Variants in HEATR4 observed in about 807,000 individuals in gnomAD.
HEATR4 encodes the protein HEAT repeat containing 4.
Under a neutral mutation model 108.8 loss-of-function variants are expected in HEATR4, and 95 were observed. That is an observed-to-expected ratio of 0.87 (90% confidence interval 0.74 to 1.04). The LOEUF (loss-of-function observed/expected upper bound fraction) is 1.04. Ranked by LOEUF, HEATR4 falls within the 50% of genes least tolerant of loss-of-function variation. The pLI is 0.00. For synonymous variants in HEATR4, 443 were observed against 459.4 expected, an observed-to-expected ratio of 0.96 and a Z score of 0.46; for missense variants, 1,152 against 1,253.8, an observed-to-expected ratio of 0.92 and a Z score of 1.23.
chr14:73,491,888 C>G, intron 17 of HEATR4: 1 of 1,611,820 alleles, frequency 6.2e-7, no homozygotes, highest in Non-Finnish European at 8.5e-7. Context: ...GTCCCTGTAC[C>G]AGGCCGGCTG....
the HEATR4 span, among the ~76,000 whole-genome samples, chr14:73,622,765 T>C: frequency 6.6e-6 from 1 of 152,032 alleles, no homozygotes; most frequent in Non-Finnish European, 1.5e-5. Context: ...TAAAGCAATA[T>C]GAAGCAGAAG....
chr14:73,613,676 T>A, the HEATR4 span, among the ~76,000 whole-genome samples: 1 of 152,182 alleles, frequency 6.6e-6, no homozygotes, highest in African/African-American at 2.4e-5. Flanking sequence ...GAGGTGCTAT[T>A]GGCATCTAGC....
At chr14:73,520,207 G>C (rs907335053) in intron 4 of HEATR4, 1 of 152,220 alleles carries the variant, frequency 6.6e-6, no homozygotes. Flanking sequence ...CGAAGACCTA[G>C]ATTGAGTATC....
intron 16 of HEATR4, 126 bp downstream of exon 16, chr14:73,495,102 G>A: frequency 1.4e-6 from 1 of 703,458 alleles, no homozygotes; most frequent in East Asian, 2.7e-5. Context: ...TAGCCAAGAG[G>A]GAAGAGAGTA....
chr14:73,631,932 C>A, the HEATR4 span: 1 of 158,824 alleles, frequency 6.3e-6, no homozygotes, highest in East Asian at 1.6e-4. Context: ...TCTACCAGCC[C>A]GTGGGACCAA....
At chr14:73,625,210 C>T in the HEATR4 span, among the ~76,000 whole-genome samples, 1 of 151,798 alleles carries the variant, frequency 6.6e-6, no homozygotes, top group Non-Finnish European at 1.5e-5. Context: ...CAGGTGTGCA[C>T]CACCGCACCC....
Position 73,502,046 on chromosome 14 carries a change from AT to A in HEATR4, c.2105+848del, listed in dbSNP as rs777992104. Among the ~76,000 whole-genome samples the A allele has an allele frequency of 7.5e-3, 1,001 of 133,912 alleles. 2 individuals carry two copies. The highest frequency in any genetic ancestry group is 0.01 in the African/African-American group (367 of 36,258). 87.9% of individuals were successfully genotyped at this position (133,912 alleles called of 152,430 possible). A position where few individuals can be genotyped will look rare whatever the true frequency, so the allele number is the denominator to read the frequency against. On this transcript the variant is annotated intron_variant, in intron 11 of 17. Transcript: ENST00000553558. ...AGGAGTGAGCCACTGCGCCCGGCCA[AT>A]TTTTTTTTTTTTTTTTTTTAATTTT...
At chr14:73,569,518 C>G in the HEATR4 span, 8 of 1,609,152 alleles carry the variant, frequency 5.0e-6, no homozygotes, top group Non-Finnish European at 5.9e-6. Context: ...CCGGAGCAGC[C>G]GGTCACGCTG....
At chr14:73,562,483 T>C (rs542077746), upstream of HEATR4, among the ~76,000 whole-genome samples, 1 of 152,102 alleles carries the variant, frequency 6.6e-6, no homozygotes, top group South Asian at 2.1e-4. Context: ...GCGATTTTTA[T>C]GGAACAAGGG....
In HEATR4 at chr14:73,509,358, T is replaced by G; in HGVS notation, c.1674A>C (p.Ser558=). ...TGATGTTCCGGGCAAGGGGATTATGTGACTGTATGGCATATTGGCATATTG... is the reference window on the plus strand; with the variant it reads ...TGATGTTCCGGGCAAGGGGATTATGGGACTGTATGGCATATTGGCATATTG... ...AAAICQYAIQ[S]HNPLARNIMQ... is the part of the protein sequence containing the mutation. The change falls in exon 8 of 18, where the codon TCA becomes TCC. Residue 558 remains serine, a synonymous_variant. Transcript: ENST00000553558. The G allele has an allele frequency of 6.2e-7, 1 of 1,614,148 alleles. No individual in the cohort carries two copies. The highest frequency in any genetic ancestry group is 8.5e-7 in the Non-Finnish European group (1 of 1,180,028).
the HEATR4 span, among the ~76,000 whole-genome samples, chr14:73,625,134 C>A: frequency 0.012 from 1,876 of 152,076 alleles, 44 homozygotes; most frequent in African/African-American, 0.043. Context: ...TCTCGGCTCA[C>A]TGCAACCTCC....
In HEATR4 at chr14:73,550,225, G is replaced by A. The variant is rs1250217789; in HGVS notation, c.-152+8526C>T. On this transcript the variant is annotated intron_variant, in intron 1 of 17. Transcript: ENST00000553558. ...CCTGCATAGCAATGAAACTGAGGCAGGATAGGTAGCTAAGGGAGTGACCGT... is the reference window on the plus strand; with the variant it reads ...CCTGCATAGCAATGAAACTGAGGCAAGATAGGTAGCTAAGGGAGTGACCGT... 3.5e-5 allele frequency among the ~76,000 whole-genome samples: 4 copies of A among 113,674 alleles called. 2 individuals are homozygous for A. The highest frequency in any genetic ancestry group is 7.7e-5 in the Non-Finnish European group (4 of 52,218). 74.6% of individuals were successfully genotyped at this position (113,674 alleles called of 152,430 possible). A position where few individuals can be genotyped will look rare whatever the true frequency, so the allele number is the denominator to read the frequency against.
At position 73,535,469 on chromosome 14, in the gene HEATR4, C is replaced by CTTTTTTTTTTTTTTTTTTTTTTT. The variant is rs869167008; in HGVS notation, c.-151-5248_-151-5226dup. Among the ~76,000 whole-genome samples, 9 of 16,526 alleles carry CTTTTTTTTTTTTTTTTTTTTTTT rather than the reference C, an allele frequency of 5.4e-4. 1 individual carries two copies. The highest frequency in any genetic ancestry group is 2.2e-3 in the Non-Finnish European group (8 of 3,616). 10.8% of individuals were successfully genotyped at this position (16,526 alleles called of 152,430 possible). A position where few individuals can be genotyped will look rare whatever the true frequency, so the allele number is the denominator to read the frequency against. ...CCTTTTTCTTTTCTTTTTCTTCTTT[C>CTTTTTTTTTTTTTTTTTTTTTTT]TTTTTTTTTTTTTTTTTTTTTTTTT... On this transcript the variant is annotated intron_variant, in intron 1 of 17. Coordinates refer to ENST00000553558, the MANE Select transcript of HEATR4 (RefSeq NM_001220484.1).
chr14:73,506,827 T>TTTTTTTTTTTTTTG (rs1886887990), intron 9 of HEATR4, among the ~76,000 whole-genome samples: 2 of 122,894 alleles, frequency 1.6e-5, no homozygotes, highest in African/African-American at 6.6e-5. Context: ...TTTTTTTTTC[T>TTTTTTTTTTTTTTG]GAGAAGGTTG....
intron 16 of HEATR4, among the ~76,000 whole-genome samples, chr14:73,494,656 T>C (rs1436371922): frequency 6.6e-6 from 1 of 152,134 alleles, no homozygotes; most frequent in Non-Finnish European, 1.5e-5. Context: ...GCTCAAGCAA[T>C]CCTCCCATCT....
At chr14:73,595,628 C>G in the HEATR4 span, 1 of 1,527,316 alleles carries the variant, frequency 6.5e-7, no homozygotes, top group Non-Finnish European at 8.8e-7. Context: ...GGGAGGTACC[C>G]AGAAAACAGC....
the HEATR4 span, among the ~76,000 whole-genome samples, chr14:73,598,217 CAAA>C: frequency 1.8e-5 from 1 of 54,922 alleles, no homozygotes; most frequent in Non-Finnish European, 3.2e-5. Context: ...ACTAAAAATA[CAAA>C]AAAAAAAAAA....
In HEATR4 at chr14:73,498,266, C is replaced by T. The variant is rs769332403; in HGVS notation, c.2435G>A (p.Gly812Asp). The T allele has an allele frequency of 1.9e-5, 30 of 1,613,980 alleles. No individual in the cohort carries two copies. The highest frequency in any genetic ancestry group is 1.6e-5 in the Non-Finnish European group (19 of 1,180,032). ...LWAIHYEESP[G>D]VRLEACRSIL... Reference sequence around the variant, plus strand: ...GCTACGGCAAGCTTCCAGCCGTACACCTGGTGACTCTTCATAGTGGATAGC... The same window carrying T: ...GCTACGGCAAGCTTCCAGCCGTACATCTGGTGACTCTTCATAGTGGATAGC... The change falls in exon 14 of 18, where the codon GGT becomes GAT. Residue 812 changes from glycine (G) to aspartate (D), a missense_variant. Coordinates refer to ENST00000553558, the MANE Select transcript of HEATR4 (RefSeq NM_001220484.1).
At chr14:73,617,278 G>A in the HEATR4 span, 2 of 1,559,756 alleles carry the variant, frequency 1.3e-6, no homozygotes, top group Admixed American at 1.7e-5. Context: ...AGAACACTGA[G>A]AACTAGAAAC....
Sources: allele counts gnomAD v4.1 joint callset (sites outside exome capture counted in the v4.1 genomes callset), GRCh38; gene constraint gnomAD v4.1.1; transcripts MANE v1.5; gene names NCBI Gene and HGNC (gene_info 2026-07-23, HGNC 2026-07-21).